Variants in SI observed in about 807,000 individuals in gnomAD.
SI encodes sucrase-isomaltase, intestinal.
In SI, 235 loss-of-function variants were observed where a neutral mutation model predicts 253.3. The ratio of observed to expected loss-of-function variants is 0.93; its 90% CI spans 0.83 to 1.03. The LOEUF is 1.03. Ranked by LOEUF, SI falls within the 50% of genes least tolerant of loss-of-function variation. The pLI is 0.00. For missense variants in SI, 2,442 were observed against 2,211.1 expected, an observed-to-expected ratio of 1.10 and a Z score of -2.09; for synonymous variants, 819 against 712.0, an observed-to-expected ratio of 1.15 and a Z score of -2.39.
In SI at chr3:165,017,751, G is replaced by T. The variant is rs769109763; in HGVS notation, c.3633+10C>A. The T allele has an allele frequency of 6.9e-6, 11 of 1,604,354 alleles. No individual in the cohort carries two copies. The Admixed American group carries it at 1.7e-4, about 24-fold the overall frequency. ...TTTTTAATTTTTTTAAAAGAAATAT[G>T]CAATCATACTTCATGGTATTGCTTT... On this transcript the variant is annotated intron_variant, in intron 30 of 47. Coordinates refer to ENST00000264382, the MANE Select transcript of SI (RefSeq NM_001041.4).
At position 165,046,950 on chromosome 3, in the gene SI, C is replaced by T. The variant is rs865867843; in HGVS notation, c.1778G>A (p.Gly593Glu). Residue 593 changes from glycine to glutamate, a missense_variant, in exon 16 of 48, where the codon GGA becomes GAA. By Grantham distance (98) the Gly-to-Glu change is moderately conservative. Transcript: ENST00000264382. ...CCAATGCGCAGCATGTCTTCCAGAT[C>T]CAGCAAATGTTGAGCGGGTAAGAAT... ...SFILTRSTFA[G>E]SGRHAAHWLG... is the part of the protein sequence containing the mutation. 1 of 1,612,516 alleles carries T rather than the reference C, an allele frequency of 6.2e-7. No homozygotes were observed. The highest frequency in any genetic ancestry group is 8.5e-7 in the Non-Finnish European group (1 of 1,179,226).
In SI at chr3:164,983,032, T is replaced by C. The variant is rs913283353; in HGVS notation, c.5217A>G (p.Leu1739=). 3.2e-6 allele frequency: 5 copies of C among 1,545,864 alleles called. No homozygotes were observed. In the East Asian group the frequency reaches 7.0e-5, roughly 21 times the overall value. Residue 1739 remains leucine (L), a synonymous_variant, in exon 46 of 48, where the codon CTA becomes CTG. Coordinates refer to ENST00000264382, the MANE Select transcript of SI (RefSeq NM_001041.4). Reference sequence around the variant, plus strand: ...TTAAATTAAATTGTACAGATAAATATAGGTCTCTTTCATAGGTGTCTGTAG... The same window carrying C: ...TTAAATTAAATTGTACAGATAAATACAGGTCTCTTTCATAGGTGTCTGTAG... ...GESIDTYERD[L]YLSVQFNLNQ...
At chr3:165,015,547 TA>T (rs1278679449) in intron 32 of SI, among the ~76,000 whole-genome samples, 3 of 152,066 alleles carry the variant, frequency 2.0e-5, no homozygotes, top group Middle Eastern at 3.2e-3. Context: ...GATAAAAAAT[TA>T]TCTTCACTGA....
intron 13 of SI, 80 bp from the exon 14 acceptor site, chr3:165,049,955 A>G (rs1713343217): frequency 2.2e-6 from 2 of 889,692 alleles, no homozygotes; most frequent in Admixed American, 3.6e-5. Context: ...GTTGTTTGAA[A>G]ATGTTTTATA....
At chr3:164,982,207 G>T in intron 47 of SI, 36 bp downstream of exon 47, 1 of 1,539,808 alleles carries the variant, frequency 6.5e-7, no homozygotes, top group Non-Finnish European at 9.0e-7. Context: ...CTTTAAATAC[G>T]TACGCTTTTG....
intron 7 of SI, among the ~76,000 whole-genome samples, chr3:165,063,777 T>C (rs1296277495): frequency 6.7e-6 from 1 of 150,136 alleles, no homozygotes; most frequent in Non-Finnish European, 1.5e-5. Flanking sequence ...TATAATACTA[T>C]TAATATATTA....
chr3:165,027,165 C>A (rs919996870), intron 25 of SI, among the ~76,000 whole-genome samples: 10 of 151,314 alleles, frequency 6.6e-5, no homozygotes, highest in East Asian at 3.9e-4. Flanking sequence ...TACAAAAGAT[C>A]ATTCAAGGCT....
Position 165,034,169 on chromosome 3 carries a change from G to A in SI, c.2516-725C>T, listed in dbSNP as rs1712401832. 2.0e-5 allele frequency among the ~76,000 whole-genome samples: 3 copies of A among 151,796 alleles called. No individual in the cohort carries two copies. The Admixed American group carries it at 2.0e-4, about 10-fold the overall frequency. On this transcript the variant is annotated intron_variant, in intron 22 of 47. Transcript: ENST00000264382. ...TAATATTATATTCAGAACCTGAACT[G>A]AAGATCACTTTACTGTCTCCATGTT...
intron 9 of SI, among the ~76,000 whole-genome samples, chr3:165,061,886 C>T (rs1312498945): frequency 1.3e-5 from 2 of 151,914 alleles, no homozygotes; most frequent in African/African-American, 4.8e-5. Flanking sequence ...ACTCAACCTT[C>T]TGAAGTCCCC....
intron 47 of SI, among the ~76,000 whole-genome samples, chr3:164,980,319 C>T (rs1717119141): frequency 6.6e-6 from 1 of 151,664 alleles, no homozygotes; most frequent in Admixed American, 6.6e-5. Flanking sequence ...TGTAACAAAA[C>T]TTAAACTATT....
intron 37 of SI, among the ~76,000 whole-genome samples, chr3:165,001,200 T>C (rs1428052794): frequency 6.6e-6 from 1 of 151,412 alleles, no homozygotes; most frequent in Non-Finnish European, 1.5e-5. Flanking sequence ...TTCTATCTCA[T>C]GACTGGACGG....
Position 165,021,295 on chromosome 3 carries a change from TAA to T in SI, c.3186_3187del (p.Tyr1063Ter), listed in dbSNP as rs776569472. ...AGGATTTTCCTTGATTTCCACATCA[TAA>T]AGTCTGTCTTCATAAGTACTTATTG... On this transcript the variant is annotated frameshift_variant, in exon 27 of 48. Coordinates refer to ENST00000264382, the MANE Select transcript of SI (RefSeq NM_001041.4). LOFTEE classifies it high-confidence loss of function. The T allele has an allele frequency of 2.7e-5, 43 of 1,611,406 alleles. No individual in the cohort carries two copies. In the Admixed American group the frequency reaches 3.3e-4, roughly 13 times the overall value.
At chr3:165,059,506 T>A (rs1713883051) in intron 10 of SI, among the ~76,000 whole-genome samples, 1 of 152,038 alleles carries the variant, frequency 6.6e-6, no homozygotes, top group South Asian at 2.1e-4. Flanking sequence ...AAGTGATTAT[T>A]CATATTTGTC....
intron 26 of SI, among the ~76,000 whole-genome samples, chr3:165,021,907 C>T (rs1282455974): frequency 6.6e-6 from 1 of 151,478 alleles, no homozygotes; most frequent in African/African-American, 2.4e-5. Flanking sequence ...AATATTCTCA[C>T]CAAAATGTGT....
At chr3:165,029,254 G>A (rs1712091250) in intron 25 of SI, among the ~76,000 whole-genome samples, 1 of 150,524 alleles carries the variant, frequency 6.6e-6, no homozygotes, top group Non-Finnish European at 1.5e-5. Context: ...CTTCAAGAAT[G>A]GCCATAATCA....
At chr3:165,012,289 C>T (rs888031845) in intron 34 of SI, among the ~76,000 whole-genome samples, 7 of 152,080 alleles carry the variant, frequency 4.6e-5, no homozygotes, top group African/African-American at 7.2e-5. Context: ...ATCTCAATTA[C>T]GCAAGGTAAA....
chr3:164,991,295 C>A, intron 44 of SI, 58 bp downstream of exon 44: 1 of 1,596,316 alleles, frequency 6.3e-7, no homozygotes, highest in South Asian at 1.1e-5. Context: ...TATTTCTTAA[C>A]AATGCTAGCA....
Position 165,039,142 on chromosome 3 carries a change from A to G in SI, c.2245-8T>C. On this transcript the variant is annotated splice_region_variant and splice_polypyrimidine_tract_variant and intron_variant, in intron 19 of 47. Coordinates refer to ENST00000264382, the MANE Select transcript of SI (RefSeq NM_001041.4). ...ACTCACAGTATCTGCTCCCTAAAATAAAGATAATATGTATTTTTTAATTTC... is the reference window on the plus strand; with the variant it reads ...ACTCACAGTATCTGCTCCCTAAAATGAAGATAATATGTATTTTTTAATTTC... 6.4e-7 allele frequency: 1 copy of G among 1,553,994 alleles called. No homozygotes were observed.
the SI span, among the ~76,000 whole-genome samples, chr3:165,087,469 AAC>A: frequency 6.6e-6 from 1 of 152,160 alleles, no homozygotes; most frequent in Admixed American, 6.5e-5. Flanking sequence ...TATCCAGAAA[AAC>A]ACACTCTGCA....
Sources: gnomAD v4.1 joint callset for allele counts (sites outside exome capture counted in the v4.1 genomes callset) on GRCh38, gnomAD v4.1.1 for gene constraint, MANE v1.5 for transcripts, NCBI Gene and HGNC (gene_info 2026-07-23, HGNC 2026-07-21) for gene names.